Variants in RFX3 observed in about 807,000 individuals in gnomAD.
RFX3 encodes the protein regulatory factor X3, also known as transcription factor RFX3.
In RFX3, 14 loss-of-function variants were observed where a neutral mutation model predicts 98.6. That is an observed-to-expected ratio of 0.14 (90% CI 0.09 to 0.22). The LOEUF is 0.22. Ranked by LOEUF, RFX3 falls within the 10% of genes least tolerant of loss-of-function variation. The pLI is 1.00. For missense variants in RFX3, 639 were observed against 926.9 expected (o/e 0.69, Z 4.03); for synonymous variants, 383 against 328.4 (o/e 1.17, Z -1.80).
chr9:3,250,768 T>A, intron 14 of RFX3, among the ~76,000 whole-genome samples: 1 of 151,660 alleles, frequency 6.6e-6, no homozygotes, highest in East Asian at 1.9e-4. Context: ...ATTAAAAAAA[T>A]GAAGTAGACA....
At chr9:3,468,307 G>A (rs193074758) in intron 1 of RFX3, among the ~76,000 whole-genome samples, 6 of 152,224 alleles carry the variant, frequency 3.9e-5, no homozygotes, top group African/African-American at 1.4e-4. Flanking sequence ...GGAATTTATT[G>A]ATATTTGGCA....
intron 1 of RFX3, among the ~76,000 whole-genome samples, chr9:3,427,179 C>T (rs574424326): frequency 2.7e-4 from 39 of 146,368 alleles, no homozygotes; most frequent in Middle Eastern, 3.6e-3. Context: ...TTCTTTTGCA[C>T]GTGCAGTAAC....
intron 1 of RFX3, among the ~76,000 whole-genome samples, chr9:3,410,800 A>G (rs1019258072): frequency 6.6e-6 from 1 of 152,214 alleles, no homozygotes; most frequent in African/African-American, 2.4e-5. Context: ...AGATTTAAAA[A>G]CTGCTTTGTA....
At chr9:3,393,930 T>C (rs1375740985) in intron 2 of RFX3, among the ~76,000 whole-genome samples, 3 of 152,276 alleles carry the variant, frequency 2.0e-5, no homozygotes, top group East Asian at 3.9e-4. Flanking sequence ...CCCACCATTA[T>C]GTAATTTAGC....
chr9:3,366,722 C>CTTTCTTTCT (rs1563994435), intron 2 of RFX3, among the ~76,000 whole-genome samples: 2 of 90,758 alleles, frequency 2.2e-5, no homozygotes, highest in Non-Finnish European at 4.6e-5. Context: ...TTCTTTCTTT[C>CTTTCTTTCT]TTTCTTTCTT....
intron 1 of RFX3, among the ~76,000 whole-genome samples, chr9:3,447,020 T>C (rs1327240080): frequency 6.6e-6 from 1 of 152,102 alleles, no homozygotes; most frequent in Non-Finnish European, 1.5e-5. Flanking sequence ...GCATTACTTA[T>C]TCGTTGAGGA....
chr9:3,422,773 C>T (rs1162062885), intron 1 of RFX3, among the ~76,000 whole-genome samples: 3 of 151,928 alleles, frequency 2.0e-5, no homozygotes, highest in Non-Finnish European at 4.4e-5. Context: ...AAGATATCTG[C>T]TATATATAAG....
intron 1 of RFX3, among the ~76,000 whole-genome samples, chr9:3,418,589 AG>A (rs1272460762): frequency 1.3e-5 from 2 of 152,158 alleles, no homozygotes; most frequent in Non-Finnish European, 2.9e-5. Flanking sequence ...CAAGTTGGCC[AG>A]GCTGGTCTCG....
intron 1 of RFX3, among the ~76,000 whole-genome samples, chr9:3,501,169 G>C (rs1451594643): frequency 6.6e-6 from 1 of 151,998 alleles, no homozygotes; most frequent in African/African-American, 2.4e-5. Flanking sequence ...CAGTTTTCTT[G>C]GACTAGTAAC....
chr9:3,303,965 T>C (rs768040936), intron 4 of RFX3, among the ~76,000 whole-genome samples: 3 of 152,058 alleles, frequency 2.0e-5, no homozygotes, highest in Non-Finnish European at 4.4e-5. Context: ...GACTTAGGCC[T>C]GTGCCGAATT....
rs1404259660 is a variant in RFX3 at position 3,256,973 on chromosome 9, G to C, written c.1814+18C>G. The C allele has an allele frequency of 5.6e-6, 9 of 1,610,650 alleles. No homozygotes were observed. Among genetic ancestry groups the C allele is most frequent in the African/African-American group, 2.7e-5 (2 of 74,880 alleles). Reference sequence around the variant, plus strand: ...GCAGAATATGAAGAAGAAAGCCTAGGAAAAACCTAGATGATACCTGTAGAA... The same window carrying C: ...GCAGAATATGAAGAAGAAAGCCTAGCAAAAACCTAGATGATACCTGTAGAA... On this transcript the variant is annotated intron_variant, in intron 14 of 16. Coordinates refer to ENST00000617270, the MANE Select transcript of RFX3 (RefSeq NM_001282116.2).
At chr9:3,390,407 G>C (rs1398019124) in intron 2 of RFX3, among the ~76,000 whole-genome samples, 5 of 152,172 alleles carry the variant, frequency 3.3e-5, no homozygotes, top group African/African-American at 1.2e-4. Flanking sequence ...GAACTCCCTA[G>C]AGACTTGTTG....
At chr9:3,225,350 A>G (rs1817643060) in intron 16 of RFX3, 70 bp from the exon 17 acceptor site, 2 of 1,581,502 alleles carry the variant, frequency 1.3e-6, no homozygotes, top group Admixed American at 1.7e-5. Flanking sequence ...CAGGTGCTTT[A>G]GAAACACTTT....
At chr9:3,313,800 A>C (rs544250853) in intron 4 of RFX3, among the ~76,000 whole-genome samples, 1 of 152,326 alleles carries the variant, frequency 6.6e-6, no homozygotes, top group South Asian at 2.1e-4. Flanking sequence ...GAATGAAGTG[A>C]AGCGAGAAGA....
intron 1 of RFX3, among the ~76,000 whole-genome samples, chr9:3,414,053 T>C (rs1347681035): frequency 6.6e-6 from 1 of 152,148 alleles, no homozygotes; most frequent in African/African-American, 2.4e-5. Context: ...CTTAATACTT[T>C]AATTTTCACA....
chr9:3,477,733 T>A lies in RFX3; in HGVS notation c.-9+48014A>T, dbSNP rs566808961. Reference sequence around the variant, plus strand: ...TGGAAAGTTTTCTGCCATTTTTTTTTAAATATTCTTTCTGCCTCATTCTCA... The same window carrying A: ...TGGAAAGTTTTCTGCCATTTTTTTTAAAATATTCTTTCTGCCTCATTCTCA... On this transcript the variant is annotated intron_variant, in intron 1 of 16. Transcript: ENST00000617270. Among the ~76,000 whole-genome samples, 82 of 152,306 alleles carry A rather than the reference T, an allele frequency of 5.4e-4. 1 individual carries two copies. Among genetic ancestry groups the A allele is most frequent in the African/African-American group, 1.5e-3 (64 of 41,576 alleles).
At chr9:3,266,367 T>C in intron 11 of RFX3, 62 bp from the exon 12 acceptor site, 2 of 1,095,246 alleles carry the variant, frequency 1.8e-6, no homozygotes, top group Non-Finnish European at 2.8e-6. Context: ...ATGTTTGTGC[T>C]AGAATAAAAG....
intron 1 of RFX3, among the ~76,000 whole-genome samples, chr9:3,401,679 C>G (rs1246536669): frequency 6.6e-6 from 1 of 152,158 alleles, no homozygotes; most frequent in East Asian, 1.9e-4. Context: ...TCTAGTCATC[C>G]TCGCCTAATG....
At chr9:3,450,187 T>A (rs886487587) in intron 1 of RFX3, among the ~76,000 whole-genome samples, 2 of 152,198 alleles carry the variant, frequency 1.3e-5, no homozygotes, top group African/African-American at 2.4e-5. Flanking sequence ...AAGGTTGCAA[T>A]CACACACATA....
Sources: allele counts gnomAD v4.1 joint callset (sites outside exome capture counted in the v4.1 genomes callset), GRCh38; gene constraint gnomAD v4.1.1; transcripts MANE v1.5; gene names NCBI Gene and HGNC (gene_info 2026-07-23, HGNC 2026-07-21).